The following ASXL3 variants were observed in gnomAD, a reference collection of about 807,000 sequenced individuals.
ASXL3 encodes putative Polycomb group protein ASXL3.
A neutral mutation model predicts 170.6 loss-of-function variants in ASXL3; 34 were observed. The ratio of observed to expected loss-of-function variants is 0.20; its 90% CI spans 0.15 to 0.27. ASXL3 has a LOEUF of 0.27. ASXL3 is among the 10% of genes least tolerant of loss of function. The pLI is 1.00. For synonymous variants in ASXL3, 1,002 were observed against 989.1 expected (o/e 1.01, Z -0.24); for missense variants, 2,592 against 2,695.3 (o/e 0.96, Z 0.85).
intron 1 of ASXL3, among the ~76,000 whole-genome samples, chr18:33,597,845 GTGAT>G: frequency 6.6e-6 from 1 of 151,714 alleles, no homozygotes; most frequent in Non-Finnish European, 1.5e-5. Context: ...ATCTACCTGA[GTGAT>G]TGTGAAATTA....
rs752060155 is a variant in ASXL3 at position 33,739,113 on chromosome 18, C to T, written c.1709C>T (p.Pro570Leu). The T allele has an allele frequency of 4.3e-6, 7 of 1,613,154 alleles. No individual in the cohort carries two copies. Among genetic ancestry groups the T allele is most frequent in the Non-Finnish European group, 5.9e-6 (7 of 1,179,582 alleles). The stretch of plus-strand genomic sequence containing the variant: ...GAAACTGCAGTAGAGACCAGTACCC[C>T]CAAAATAAAAACAGGGTCATCTTCT... Reference protein sequence around the residue: ...ESETAVETSTPKIKTGSSSLE... With the variant: ...ESETAVETSTLKIKTGSSSLE... Residue 570 changes from proline to leucine, a missense_variant, in exon 11 of 12, where the codon CCC becomes CTC. Physicochemically the swap from Pro to Leu is moderately conservative, Grantham distance 98. This residue lies in a region of ASXL3 where 2,246 missense variants were observed against 2,219.6 expected (regional missense o/e 1.01). Coordinates refer to ENST00000269197, the MANE Select transcript of ASXL3 (RefSeq NM_030632.3).
At chr18:33,702,932 A>G (rs1210710102) in intron 8 of ASXL3, among the ~76,000 whole-genome samples, 1 of 152,130 alleles carries the variant, frequency 6.6e-6, no homozygotes, top group Non-Finnish European at 1.5e-5. Flanking sequence ...AGGTCCATTA[A>G]TTGCTGCCTG....
At chr18:33,734,493 A>T in intron 10 of ASXL3, 78 bp downstream of exon 10, 1 of 849,960 alleles carries the variant, frequency 1.2e-6, no homozygotes, top group East Asian at 2.9e-5. Context: ...TAGCACACTC[A>T]TATGCTGTAA....
At chr18:33,742,802 T>C (rs567365977) in intron 11 of ASXL3, 86 bp from the exon 12 acceptor site, 2 of 1,463,400 alleles carry the variant, frequency 1.4e-6, no homozygotes, top group East Asian at 2.4e-5. Flanking sequence ...GCAGCTAGTC[T>C]TTTCCCTTGC....
At chr18:33,639,288 G>C (rs756301473) in intron 2 of ASXL3, among the ~76,000 whole-genome samples, 2 of 152,112 alleles carry the variant, frequency 1.3e-5, no homozygotes, top group Non-Finnish European at 2.9e-5. Context: ...CTGTGACCTA[G>C]AGAAGTCCAA....
chr18:33,736,677 T>G (rs912206558), intron 10 of ASXL3, among the ~76,000 whole-genome samples: 3 of 152,170 alleles, frequency 2.0e-5, no homozygotes, highest in Non-Finnish European at 2.9e-5. Context: ...CTTTGTAATA[T>G]ATTATTGTAT....
intron 8 of ASXL3, among the ~76,000 whole-genome samples, chr18:33,724,007 A>G (rs1322542892): frequency 6.6e-6 from 1 of 152,188 alleles, no homozygotes; most frequent in Non-Finnish European, 1.5e-5. Context: ...TTTTAGCATA[A>G]TGCTATTGTA....
rs773091419 is a variant in ASXL3, at chr18:33,739,065, G to A, written c.1661G>A (p.Ser554Asn). ...IPSTSSMTHVSDTEHKESETA... is the reference protein window; with the variant it reads ...IPSTSSMTHVNDTEHKESETA... ...TCCACTTCATCTATGACTCATGTCA[G>A]TGACACAGAACATAAGGAGTCAGAA... Residue 554 changes from serine (S) to asparagine (N), a missense_variant, in exon 11 of 12, where the codon AGT becomes AAT. Physicochemically the swap from Ser to Asn is conservative, Grantham distance 46 (BLOSUM62 1). Transcript: ENST00000269197. 1 of 1,613,426 alleles carries A rather than the reference G, an allele frequency of 6.2e-7. No individual in the cohort carries two copies. Among genetic ancestry groups the A allele is most frequent in the East Asian group, 2.2e-5 (1 of 44,868 alleles).
At chr18:33,644,518 G>A (rs1410431908) in intron 2 of ASXL3, among the ~76,000 whole-genome samples, 1 of 149,106 alleles carries the variant, frequency 6.7e-6, no homozygotes, top group Non-Finnish European at 1.5e-5. Context: ...CCATCAAGTT[G>A]TCTGTAATAT....
intron 1 of ASXL3, among the ~76,000 whole-genome samples, chr18:33,588,872 C>T (rs1423331893): frequency 6.6e-6 from 1 of 152,166 alleles, no homozygotes; most frequent in Non-Finnish European, 1.5e-5. Flanking sequence ...AGTAAAGCCA[C>T]CACCATTTCC....
intron 4 of ASXL3, among the ~76,000 whole-genome samples, chr18:33,648,043 A>C (rs1156596478): frequency 6.6e-6 from 1 of 152,020 alleles, no homozygotes; most frequent in East Asian, 1.9e-4. Flanking sequence ...CAAAGTGAAC[A>C]AGGGAGAGTA....
chr18:33,600,977 T>A (rs749212125), intron 1 of ASXL3, among the ~76,000 whole-genome samples: 9 of 152,174 alleles, frequency 5.9e-5, no homozygotes, highest in Non-Finnish European at 1.2e-4. Flanking sequence ...CAAAACAAGA[T>A]AATTGGTCCT....
At chr18:33,712,230 T>C (rs150940559) in intron 8 of ASXL3, among the ~76,000 whole-genome samples, 8 of 152,350 alleles carry the variant, frequency 5.3e-5, no homozygotes, top group Admixed American at 2.6e-4. Context: ...TTGTAGAATA[T>C]ATTTGTTTTA....
At chr18:33,606,626 A>G (rs1254369984) in intron 1 of ASXL3, among the ~76,000 whole-genome samples, 3 of 152,028 alleles carry the variant, frequency 2.0e-5, no homozygotes, top group African/African-American at 7.2e-5. Context: ...ATAATCATAG[A>G]TTAGAACTCT....
chr18:33,611,362 T>C (rs563130066), intron 2 of ASXL3, among the ~76,000 whole-genome samples: 1 of 152,208 alleles, frequency 6.6e-6, no homozygotes, highest in African/African-American at 2.4e-5. Context: ...TTCTTTCTTA[T>C]GAAAATATTC....
At chr18:33,681,743 A>G (rs2066519257) in intron 7 of ASXL3, among the ~76,000 whole-genome samples, 1 of 151,960 alleles carries the variant, frequency 6.6e-6, no homozygotes. Flanking sequence ...TTAGCTATTC[A>G]AATATTGCCT....
chr18:33,725,511 G>C (rs1358461719), intron 8 of ASXL3, among the ~76,000 whole-genome samples: 1 of 152,048 alleles, frequency 6.6e-6, no homozygotes, highest in African/African-American at 2.4e-5. Flanking sequence ...TCAGGACTCT[G>C]CTTTAAGCCA....
chr18:33,711,464 G>A (rs950021109), intron 8 of ASXL3, among the ~76,000 whole-genome samples: 7 of 151,960 alleles, frequency 4.6e-5, no homozygotes, highest in African/African-American at 1.7e-4. Context: ...CTTTTTATGA[G>A]GTAAGAATCA....
At chr18:33,666,025 C>T (rs568340220) in intron 5 of ASXL3, among the ~76,000 whole-genome samples, 2 of 152,282 alleles carry the variant, frequency 1.3e-5, no homozygotes, top group South Asian at 4.1e-4. Flanking sequence ...CAATTATACT[C>T]CTTCTCATAA....
Sources: gnomAD v4.1 joint callset for allele counts (sites outside exome capture counted in the v4.1 genomes callset) on GRCh38, gnomAD v4.1.1 for gene constraint, gnomAD v4.1.1 regional missense constraint, MANE v1.5 for transcripts, NCBI Gene and HGNC (gene_info 2026-07-23, HGNC 2026-07-21) for gene names.